RAPGEF2: variants seen among roughly 807,000 people sequenced by gnomAD.
RAPGEF2 encodes Rap guanine nucleotide exchange factor 2.
A neutral mutation model predicts 186.7 loss-of-function variants in RAPGEF2; 54 were observed. The observed-to-expected ratio is 0.29, with a 90% CI of 0.23 to 0.36. The LOEUF (loss-of-function observed/expected upper bound fraction) is 0.36. Among genes scored for constraint, RAPGEF2 ranks in the 10% least tolerant of loss-of-function variants. RAPGEF2 has a pLI of 1.00. For synonymous variants in RAPGEF2, 712 were observed against 705.9 expected (o/e 1.01, Z -0.14); for missense variants, 1,532 against 2,045.0 (o/e 0.75, Z 4.84).
chr4:159,246,099 T>G (rs1474695022), intron 7 of RAPGEF2, among the ~76,000 whole-genome samples: 2 of 152,154 alleles, frequency 1.3e-5, no homozygotes, highest in Non-Finnish European at 2.9e-5. Context: ...TGATGAAAAC[T>G]TATTGGTCGT....
At chr4:159,257,082 T>C (rs1002703360) in intron 7 of RAPGEF2, among the ~76,000 whole-genome samples, 1 of 152,170 alleles carries the variant, frequency 6.6e-6, no homozygotes, top group Non-Finnish European at 1.5e-5. Context: ...TTTGTTGCAA[T>C]GCTTTCGGTG....
chr4:159,224,106 C>CTA (rs1554012808), intron 4 of RAPGEF2, among the ~76,000 whole-genome samples: 1 of 152,084 alleles, frequency 6.6e-6, no homozygotes, highest in Non-Finnish European at 1.5e-5. Flanking sequence ...GCCATGTTGG[C>CTA]CAGGCTGGTC....
At chr4:159,179,837 C>G (rs1178270561) in intron 1 of RAPGEF2, among the ~76,000 whole-genome samples, 1 of 152,106 alleles carries the variant, frequency 6.6e-6, no homozygotes, top group East Asian at 1.9e-4. Context: ...TTTCATTTCT[C>G]TTGGTTGTGC....
intron 17 of RAPGEF2, among the ~76,000 whole-genome samples, chr4:159,335,835 C>CAAAAAA (rs778302629): frequency 2.1e-5 from 1 of 48,166 alleles, no homozygotes. Flanking sequence ...GACTCCGTCT[C>CAAAAAA]AAAAAAAAAA....
chr4:159,262,888 A>G (rs1322803557), intron 7 of RAPGEF2, among the ~76,000 whole-genome samples: 1 of 151,612 alleles, frequency 6.6e-6, no homozygotes, highest in Non-Finnish European at 1.5e-5. Context: ...ATCTTTTTGA[A>G]CTCCCAGTTA....
intron 3 of RAPGEF2, among the ~76,000 whole-genome samples, chr4:159,198,960 C>T (rs1367442059): frequency 6.7e-6 from 1 of 150,188 alleles, no homozygotes; most frequent in African/African-American, 2.5e-5. Flanking sequence ...CCTGTAATTC[C>T]AGCTACTTGG....
intron 1 of RAPGEF2, among the ~76,000 whole-genome samples, chr4:159,132,183 G>A (rs1188718660): frequency 6.6e-6 from 1 of 152,168 alleles, no homozygotes; most frequent in African/African-American, 2.4e-5. Flanking sequence ...ATATTCATAA[G>A]CCTGTGTCTT....
chr4:159,347,644 C>T (rs1311288027), intron 25 of RAPGEF2, among the ~76,000 whole-genome samples: 1 of 152,124 alleles, frequency 6.6e-6, no homozygotes, highest in Non-Finnish European at 1.5e-5. Context: ...ATTAGCCGGG[C>T]GTGGTGGCGG....
At chr4:159,324,203 T>C (rs1413490494) in intron 11 of RAPGEF2, among the ~76,000 whole-genome samples, 2 of 150,282 alleles carry the variant, frequency 1.3e-5, no homozygotes, top group Non-Finnish European at 2.9e-5. Context: ...CCTTTTTGTA[T>C]TTTTAGTAGA....
chr4:159,317,593 T>TA (rs1019946588), intron 9 of RAPGEF2, among the ~76,000 whole-genome samples: 1 of 152,170 alleles, frequency 6.6e-6, no homozygotes, highest in African/African-American at 2.4e-5. Context: ...TTACAATTTC[T>TA]AAAAACGGGT....
chr4:159,240,917 C>T (rs1159056220), intron 5 of RAPGEF2: 1 of 262,312 alleles, frequency 3.8e-6, no homozygotes, highest in African/African-American at 2.3e-5. Context: ...TAAATCAGTA[C>T]AAAGACTGCT....
chr4:159,119,078 C>T (rs1179491296), intron 1 of RAPGEF2, among the ~76,000 whole-genome samples: 1 of 152,012 alleles, frequency 6.6e-6, no homozygotes, highest in Non-Finnish European at 1.5e-5. Flanking sequence ...ATTTATAGTA[C>T]AGATTGTGTT....
intron 3 of RAPGEF2, among the ~76,000 whole-genome samples, chr4:159,206,651 G>A (rs1280116213): frequency 6.6e-6 from 1 of 152,208 alleles, no homozygotes; most frequent in East Asian, 1.9e-4. Context: ...AGGGAAGCAC[G>A]TTGTACCCCA....
intron 2 of RAPGEF2, among the ~76,000 whole-genome samples, chr4:159,192,790 C>T (rs994766043): frequency 6.6e-6 from 1 of 152,126 alleles, no homozygotes; most frequent in East Asian, 1.9e-4. Context: ...GAGTAACATT[C>T]TTGTTGAGCC....
At chr4:159,226,418 C>CA (rs1022114911) in intron 4 of RAPGEF2, among the ~76,000 whole-genome samples, 2 of 152,162 alleles carry the variant, frequency 1.3e-5, no homozygotes, top group African/African-American at 4.8e-5. Flanking sequence ...CTTTTGAAGT[C>CA]ATGTAGCATA....
intron 4 of RAPGEF2, among the ~76,000 whole-genome samples, chr4:159,222,943 CAAGAA>C (rs1751677199): frequency 6.6e-6 from 1 of 151,168 alleles, no homozygotes; most frequent in Non-Finnish European, 1.5e-5. Context: ...TATTTGAAGA[CAAGAA>C]AATCATATTT....
At chr4:159,312,150 A>T (rs546730574) in intron 8 of RAPGEF2, among the ~76,000 whole-genome samples, 33 of 152,252 alleles carry the variant, frequency 2.2e-4, no homozygotes, top group Admixed American at 4.6e-4. Flanking sequence ...ATCTTTTTGC[A>T]TACATTAGAT....
At chr4:159,118,192 CGT>C (rs1330618062) in intron 1 of RAPGEF2, among the ~76,000 whole-genome samples, 2 of 152,098 alleles carry the variant, frequency 1.3e-5, no homozygotes, top group East Asian at 3.9e-4. Context: ...CCATCACTGG[CGT>C]TACTGCCTGA....
At chr4:159,178,356 A>G (rs575762161) in intron 1 of RAPGEF2, among the ~76,000 whole-genome samples, 2 of 152,234 alleles carry the variant, frequency 1.3e-5, no homozygotes, top group East Asian at 1.9e-4. Flanking sequence ...TCCAAAGATC[A>G]TATTACGACA....
Sources: gnomAD v4.1 joint callset for allele counts (sites outside exome capture counted in the v4.1 genomes callset) on GRCh38, gnomAD v4.1.1 for gene constraint, MANE v1.5 for transcripts, NCBI Gene and HGNC (gene_info 2026-07-23, HGNC 2026-07-21) for gene names.